The following MTCL1 variants were observed in gnomAD, a reference collection of about 807,000 sequenced individuals.
The protein encoded by MTCL1 is microtubule cross-linking factor 1.
Under a neutral mutation model 141.4 loss-of-function variants are expected in MTCL1, and 79 were observed. The ratio of observed to expected loss-of-function variants is 0.56; its 90% confidence interval spans 0.47 to 0.67. The LOEUF (loss-of-function observed/expected upper bound fraction) is 0.67, where lower values mean the gene tolerates loss of function less well. Among genes scored for constraint, MTCL1 ranks in the 30% least tolerant of loss-of-function variants. The pLI is 0.00. For synonymous variants in MTCL1, 914 were observed against 875.8 expected (o/e 1.04, Z -0.77); for missense variants, 2,177 against 2,113.9 (o/e 1.03, Z -0.59).
chr18:8,786,122 G>GCCCCCCCCCCCCC, intron 7 of MTCL1, 31 bp downstream of exon 6: 1 of 484,726 alleles, frequency 2.1e-6, no homozygotes. Context: ...CCCCCCCCCC[G>GCCCCCCCCCCCCC]CCCTCCCCCT....
Position 8,825,951 on chromosome 18 carries a change from C to T in MTCL1, c.4441C>T (p.Pro1481Ser), listed in dbSNP as rs1295222314. The change falls in exon 15 of 17, where the codon CCA becomes TCA. Residue 1481 changes from proline to serine, a missense_variant. Pro to Ser is a moderately conservative substitution (Grantham distance 74, BLOSUM62 -1). Transcript: ENST00000359865. ...AGCAGAGCCCCGACCAGAGCTGGGCCCAGGCCAGGAAACAGGCACCAATTC... is the reference window on the plus strand; with the variant it reads ...AGCAGAGCCCCGACCAGAGCTGGGCTCAGGCCAGGAAACAGGCACCAATTC... The T allele has an allele frequency of 1.9e-6, 3 of 1,599,746 alleles. No homozygotes were observed. The African/African-American group carries it at 4.0e-5, about 21-fold the overall frequency.
At chr18:8,792,312 G>A (rs1235425366) in intron 7 of MTCL1, among the ~76,000 whole-genome samples, 1 of 152,140 alleles carries the variant, frequency 6.6e-6, no homozygotes, top group Non-Finnish European at 1.5e-5. Context: ...AACATAAAAG[G>A]TAGACTTTAC....
chr18:8,774,548 C>T (rs939548418), intron 4 of MTCL1, among the ~76,000 whole-genome samples: 7 of 151,996 alleles, frequency 4.6e-5, no homozygotes, highest in African/African-American at 1.7e-4. Flanking sequence ...AGTGCAACGG[C>T]GCCATCTCAG....
chr18:8,832,423 A>T (rs1220576033), exon 17 of MTCL1: 1 of 155,454 alleles, frequency 6.4e-6, no homozygotes, highest in Non-Finnish European at 1.4e-5. Context: ...TAGAAAATTC[A>T]CTGTATGATC....
intron 11 of MTCL1, chr18:8,812,735 AC>A: frequency 2.1e-6 from 1 of 482,950 alleles, no homozygotes; most frequent in Non-Finnish European, 3.7e-6. Context: ...GGTGACTTAG[AC>A]TAGGAAAGTG....
At chr18:8,758,357 A>G (rs760513086) in intron 4 of MTCL1, among the ~76,000 whole-genome samples, 2 of 152,120 alleles carry the variant, frequency 1.3e-5, no homozygotes, top group Non-Finnish European at 2.9e-5. Flanking sequence ...GAGTTATGCC[A>G]GATCTACCAC....
intron 4 of MTCL1, among the ~76,000 whole-genome samples, chr18:8,750,265 C>T (rs898720383): frequency 2.6e-5 from 4 of 152,236 alleles, no homozygotes; most frequent in Middle Eastern, 3.4e-3. Flanking sequence ...AGGCTGGTCT[C>T]GAACTCCTGA....
intron 4 of MTCL1, among the ~76,000 whole-genome samples, chr18:8,723,759 C>T (rs1490224937): frequency 6.6e-6 from 1 of 152,144 alleles, no homozygotes; most frequent in Non-Finnish European, 1.5e-5. Context: ...ATGGTGTTAC[C>T]CTTAACCCTC....
intron 16 of MTCL1, chr18:8,831,008 C>G: frequency 2.0e-5 from 20 of 985,866 alleles, no homozygotes; most frequent in Non-Finnish European, 2.4e-5. Context: ...TAAAGAAAAC[C>G]AGACCCAAAT....
intron 4 of MTCL1, among the ~76,000 whole-genome samples, chr18:8,727,611 T>A (rs9962998): frequency 3.3e-5 from 5 of 152,024 alleles, no homozygotes; most frequent in Non-Finnish European, 7.4e-5. Flanking sequence ...TGTCTGTTCA[T>A]GTCCTTTGCA....
chr18:8,799,622 T>C (rs2076046206), intron 10 of MTCL1, among the ~76,000 whole-genome samples: 1 of 152,226 alleles, frequency 6.6e-6, no homozygotes, highest in Admixed American at 6.5e-5. Flanking sequence ...AAAGAAATGT[T>C]GTCATTCAAT....
In MTCL1 at chr18:8,705,824, G is replaced by A. The variant is rs2096056942; in HGVS notation, c.164G>A (p.Arg55Gln). 5.9e-6 allele frequency: 7 copies of A among 1,181,274 alleles called. No individual in the cohort carries two copies. In the South Asian group the frequency reaches 2.5e-4, roughly 42 times the overall value. The allele number at this position is 1,181,274 out of a possible 1,614,324, so 73.2% of individuals were successfully genotyped here. A position where few individuals can be genotyped will look rare whatever the true frequency, so the allele number is the denominator to read the frequency against. The change falls in exon 1 of 14, where the codon CGG (arginine) becomes CAG (glutamine). Residue 55 changes from arginine to glutamine, a missense_variant. Arg to Gln is a conservative substitution (Grantham distance 43). Coordinates refer to the MTCL1 transcript ENST00000306329. The surrounding 1 kb of genome is among the most constrained non-coding windows in gnomAD (Gnocchi z 5.2). ...CCCTTCCTCAAGGACCTGCACGCCC[G>A]GCCCGCCGCGCCCGGCCCGGCCGTC...
chr18:8,781,179 CAAAAAAAA>C (rs56370900), intron 5 of MTCL1, among the ~76,000 whole-genome samples: 7 of 67,386 alleles, frequency 1.0e-4, no homozygotes, highest in Admixed American at 2.2e-4. Context: ...GACTCCATCT[CAAAAAAAA>C]AAAAAAAAAA....
At chr18:8,815,251 A>C (rs558363395) in intron 12 of MTCL1, among the ~76,000 whole-genome samples, 8 of 152,056 alleles carry the variant, frequency 5.3e-5, no homozygotes, top group African/African-American at 1.9e-4. Context: ...GACTGGATTA[A>C]GAAAATGTGG....
intron 4 of MTCL1, among the ~76,000 whole-genome samples, chr18:8,753,884 G>A (rs1421703240): frequency 2.0e-5 from 3 of 152,134 alleles, no homozygotes; most frequent in Admixed American, 6.5e-5. Flanking sequence ...TAATGATACT[G>A]TAGGTAAAAA....
chr18:8,746,066 G>T (rs890647525), intron 4 of MTCL1, among the ~76,000 whole-genome samples: 3 of 152,244 alleles, frequency 2.0e-5, no homozygotes, highest in African/African-American at 7.2e-5. Flanking sequence ...TGCAGCATGT[G>T]TCAGAATTTC....
intron 13 of MTCL1, 104 bp downstream of exon 12, chr18:8,819,363 C>G: frequency 8.3e-7 from 1 of 1,200,570 alleles, no homozygotes; most frequent in African/African-American, 1.5e-5. Context: ...GGCTCTAGCA[C>G]TTTTGCATAC....
chr18:8,710,858 AATC>A (rs1159089406), intron 1 of MTCL1, among the ~76,000 whole-genome samples: 3 of 70,084 alleles, frequency 4.3e-5, no homozygotes, highest in African/African-American at 1.7e-4. Flanking sequence ...TTTTTTTTTT[AATC>A]TGTTTTCTTT....
chr18:8,765,327 A>G lies in MTCL1; in HGVS notation c.358-12506A>G, dbSNP rs139279245. Reference sequence around the variant, plus strand: ...CAGAGACACACTCACGCTCTGCCCCAGTGAGCCCAAGGGGCAAGAAATGAC... The same window carrying G: ...CAGAGACACACTCACGCTCTGCCCCGGTGAGCCCAAGGGGCAAGAAATGAC... On this transcript the variant is annotated intron_variant, in intron 4 of 16. Transcript: ENST00000359865. Among the ~76,000 whole-genome samples the G allele has an allele frequency of 4.6e-3, 694 of 152,340 alleles. 4 individuals carry two copies. The highest frequency in any genetic ancestry group is 0.016 in the African/African-American group (662 of 41,586).
Sources: gnomAD v4.1 joint callset for allele counts (sites outside exome capture counted in the v4.1 genomes callset) on GRCh38, gnomAD v4.1.1 for gene constraint, Gnocchi (gnomAD v3.1) non-coding constraint, MANE v1.5 for transcripts, NCBI Gene and HGNC (gene_info 2026-07-23, HGNC 2026-07-21) for gene names.